The following XKR9 variants were observed in gnomAD, a reference collection of about 807,000 sequenced individuals.
XKR9 encodes the protein XK related 9.
A neutral mutation model predicts 32.0 loss-of-function variants in XKR9; 32 were observed. The observed-to-expected ratio is 1.00, with a 90% CI of 0.76 to 1.34. The LOEUF (loss-of-function observed/expected upper bound fraction) is 1.34, where lower values mean the gene tolerates loss of function less well. Among genes scored for constraint, XKR9 ranks in the 40% most tolerant of loss-of-function variants. The pLI is 0.00. For synonymous variants in XKR9, 168 were observed against 143.4 expected (o/e 1.17, Z -1.22); for missense variants, 546 against 429.7 (o/e 1.27, Z -2.39).
chr8:70,940,593 A>G, the XKR9 span, among the ~76,000 whole-genome samples: 1 of 152,056 alleles, frequency 6.6e-6, no homozygotes, highest in South Asian at 2.1e-4. Flanking sequence ...TGCTGGTTTT[A>G]TTTCTTTATA....
the XKR9 span, among the ~76,000 whole-genome samples, chr8:70,867,209 C>A: frequency 6.6e-6 from 1 of 152,136 alleles, no homozygotes; most frequent in African/African-American, 2.4e-5. Context: ...CAAACTCTGC[C>A]TTATAAAGCC....
the XKR9 span, among the ~76,000 whole-genome samples, chr8:70,908,939 G>C: frequency 2.0e-5 from 3 of 152,126 alleles, no homozygotes; most frequent in African/African-American, 7.2e-5. Flanking sequence ...CTTAACTCTG[G>C]AGACTCTGAT....
chr8:70,739,324 A>G (rs910389132), downstream of XKR9, among the ~76,000 whole-genome samples: 10 of 152,074 alleles, frequency 6.6e-5, no homozygotes, highest in African/African-American at 2.4e-4. Context: ...TGCTTGGTAC[A>G]TCTTCCTCCA....
At chr8:70,687,522 A>C (rs1819343846) in intron 3 of XKR9, among the ~76,000 whole-genome samples, 1 of 151,920 alleles carries the variant, frequency 6.6e-6, no homozygotes, top group African/African-American at 2.4e-5. Flanking sequence ...GGCATGTGCC[A>C]TCAGGTCTGG....
At chr8:70,801,730 G>A in the XKR9 span, among the ~76,000 whole-genome samples, 1 of 151,990 alleles carries the variant, frequency 6.6e-6, no homozygotes, top group Non-Finnish European at 1.5e-5. Context: ...TAGTTTTCTG[G>A]CTCAGTGATC....
intron 2 of XKR9, among the ~76,000 whole-genome samples, chr8:70,758,728 T>C (rs1807264755): frequency 6.6e-6 from 1 of 152,260 alleles, no homozygotes; most frequent in African/African-American, 2.4e-5. Context: ...ACATAATTTC[T>C]TTGATTTAAG....
At chr8:70,902,821 G>T in the XKR9 span, among the ~76,000 whole-genome samples, 8 of 152,160 alleles carry the variant, frequency 5.3e-5, no homozygotes, top group African/African-American at 1.9e-4. Flanking sequence ...CTTGTTTATT[G>T]AGAGTTTTTA....
intron 2 of XKR9, among the ~76,000 whole-genome samples, chr8:70,742,542 T>A (rs1440593279): frequency 1.3e-5 from 2 of 152,250 alleles, no homozygotes; most frequent in African/African-American, 2.4e-5. Context: ...CTCTTCAGCC[T>A]AGATAATTTG....
At chr8:70,860,337 TACA>T in the XKR9 span, among the ~76,000 whole-genome samples, 1 of 152,058 alleles carries the variant, frequency 6.6e-6, no homozygotes, top group African/African-American at 2.4e-5. Flanking sequence ...CATGTGAAGA[TACA>T]ACGAGAAGTT....
chr8:70,907,824 C>T, the XKR9 span, among the ~76,000 whole-genome samples: 1 of 152,186 alleles, frequency 6.6e-6, no homozygotes, highest in East Asian at 1.9e-4. Context: ...TGGCCAAAAC[C>T]AACAATATTC....
the XKR9 span, among the ~76,000 whole-genome samples, chr8:70,939,851 C>T: frequency 6.6e-6 from 1 of 152,022 alleles, no homozygotes; most frequent in Non-Finnish European, 1.5e-5. Context: ...AGAACAAAAA[C>T]ATTTTTTTGG....
chr8:70,931,521 G>A, the XKR9 span, among the ~76,000 whole-genome samples: 3 of 152,146 alleles, frequency 2.0e-5, no homozygotes, highest in Non-Finnish European at 4.4e-5. Context: ...AAAATTCTTT[G>A]ATTTTATGTA....
intron 4 of XKR9, among the ~76,000 whole-genome samples, chr8:70,708,415 A>C (rs1586840781): frequency 6.6e-6 from 1 of 152,112 alleles, no homozygotes; most frequent in Non-Finnish European, 1.5e-5. Context: ...TAAGTTATTT[A>C]AAAATAGCAT....
At chr8:70,832,277 A>G in the XKR9 span, among the ~76,000 whole-genome samples, 1 of 152,196 alleles carries the variant, frequency 6.6e-6, no homozygotes, top group African/African-American at 2.4e-5. Context: ...TCAACGAACA[A>G]AGGAGTCTGG....
At chr8:71,018,597 A>G in the XKR9 span, among the ~76,000 whole-genome samples, 35 of 152,296 alleles carry the variant, frequency 2.3e-4, 1 homozygote, top group African/African-American at 8.2e-4. Context: ...TGGCCTGGAT[A>G]TATTTGATTT....
the XKR9 span, among the ~76,000 whole-genome samples, chr8:70,858,018 G>C: frequency 6.6e-6 from 1 of 152,110 alleles, no homozygotes; most frequent in Admixed American, 6.6e-5. Flanking sequence ...CATACTGAAT[G>C]GGCAAAAACA....
chr8:70,861,115 A>G, the XKR9 span, among the ~76,000 whole-genome samples: 5 of 152,130 alleles, frequency 3.3e-5, no homozygotes, highest in African/African-American at 1.2e-4. Context: ...TAGTGTCTGT[A>G]AAACAAACTA....
At chr8:70,911,731 G>C in the XKR9 span, among the ~76,000 whole-genome samples, 1 of 152,178 alleles carries the variant, frequency 6.6e-6, no homozygotes, top group Non-Finnish European at 1.5e-5. Context: ...GAAAAATAAA[G>C]CTGGATAATG....
intron 1 of XKR9, among the ~76,000 whole-genome samples, chr8:70,673,665 C>G (rs557925806): frequency 2.0e-5 from 3 of 151,426 alleles, no homozygotes; most frequent in Non-Finnish European, 4.4e-5. Flanking sequence ...CTTGGGAGGC[C>G]GAGGCAGGAG....
Sources: allele counts gnomAD v4.1 joint callset (sites outside exome capture counted in the v4.1 genomes callset), GRCh38; gene constraint gnomAD v4.1.1; transcripts MANE v1.5; gene names NCBI Gene and HGNC (gene_info 2026-07-23, HGNC 2026-07-21).